The following ERG variants were observed in gnomAD, a reference collection of about 807,000 sequenced individuals.
The protein encoded by ERG is transcriptional regulator ERG.
ERG carries 9 observed loss-of-function variants against 55.3 expected under a neutral mutation model. That is an observed-to-expected ratio of 0.16 (90% confidence interval 0.10 to 0.28). The LOEUF is 0.28. Among genes scored for constraint, ERG ranks in the 10% least tolerant of loss-of-function variants. The pLI is 1.00. For synonymous variants in ERG, 223 were observed against 237.3 expected (o/e 0.94, Z 0.55); for missense variants, 434 against 631.6 (o/e 0.69, Z 3.35).
At chr21:38,574,881 A>T (rs1369818758) in intron 2 of ERG, among the ~76,000 whole-genome samples, 7 of 152,354 alleles carry the variant, frequency 4.6e-5, no homozygotes, top group Admixed American at 4.6e-4. Context: ...ACAGGTGTAG[A>T]CAGCCTGTTT....
chr21:38,630,076 A>G (rs1360733048), intron 1 of ERG, among the ~76,000 whole-genome samples: 1 of 152,172 alleles, frequency 6.6e-6, no homozygotes, highest in Non-Finnish European at 1.5e-5. Flanking sequence ...GACAGAAAGG[A>G]GAATCCAGGT....
At chr21:38,574,031 T>C (rs1300355164) in intron 2 of ERG, among the ~76,000 whole-genome samples, 1 of 152,258 alleles carries the variant, frequency 6.6e-6, no homozygotes, top group Non-Finnish European at 1.5e-5. Flanking sequence ...AAACCTGTAA[T>C]ACTTTCTTGC....
chr21:38,407,818 A>G (rs1160744460), intron 3 of ERG, among the ~76,000 whole-genome samples: 1 of 147,452 alleles, frequency 6.8e-6, no homozygotes, highest in African/African-American at 2.5e-5. Flanking sequence ...CATTTTATAA[A>G]AAGTATAAAA....
chr21:38,398,187 A>G (rs766308162), intron 6 of ERG, among the ~76,000 whole-genome samples: 2 of 152,050 alleles, frequency 1.3e-5, no homozygotes, highest in Non-Finnish European at 2.9e-5. Context: ...AGTGATGCAA[A>G]AGCTCTTCCC....
rs564311018 is a variant in ERG, at chr21:38,567,187, T to C, written c.-41+8475A>G. Among the ~76,000 whole-genome samples, 42 of 152,226 alleles carry C rather than the reference T, an allele frequency of 2.8e-4. No homozygotes were observed. In the South Asian group the frequency reaches 8.5e-3, roughly 31 times the overall value. On this transcript the variant is annotated intron_variant, in intron 2 of 8. Coordinates refer to the ERG transcript ENST00000398897. ...ACAGGAACTGAGCACCGCATTGGAA[T>C]CTGGCCCTGGAGGGTGCCCAGCATG...
chr21:38,534,484 G>A (rs1395728248), intron 2 of ERG, among the ~76,000 whole-genome samples: 2 of 152,036 alleles, frequency 1.3e-5, no homozygotes, highest in Non-Finnish European at 2.9e-5. Flanking sequence ...ACACTCAATA[G>A]CTTCATTCTT....
At chr21:38,468,844 G>A (rs1412239698) in intron 1 of ERG, among the ~76,000 whole-genome samples, 1 of 151,834 alleles carries the variant, frequency 6.6e-6, no homozygotes, top group Non-Finnish European at 1.5e-5. Context: ...AATTAGCCGG[G>A]CGTGGTGGTG....
rs71184626 is a variant in ERG, at chr21:38,446,226, CAAAAAAAAAAAAA to C, written c.19-618_19-606del. On this transcript the variant is annotated intron_variant, in intron 1 of 9. Transcript: ENST00000288319. The stretch of plus-strand genomic sequence containing the variant: ...GTGAGCATCTGGATGATAAATGAAC[CAAAAAAAAAAAAA>C]AAAAAAAAAAAAAAGCTGTGAAGTA... Among the ~76,000 whole-genome samples, 4 of 63,596 alleles carry C rather than the reference CAAAAAAAAAAAAA, an allele frequency of 6.3e-5. No homozygotes were observed. In the Admixed American group the frequency reaches 8.0e-4, roughly 13 times the overall value. The allele number at this position is 63,596 out of a possible 152,430, so 41.7% of individuals were successfully genotyped here.
chr21:38,522,345 C>A (rs2059601102), intron 2 of ERG, among the ~76,000 whole-genome samples: 1 of 151,892 alleles, frequency 6.6e-6, no homozygotes, highest in Non-Finnish European at 1.5e-5. Context: ...TTTTTCTTAT[C>A]ATATCTATAA....
At chr21:38,500,172 A>G (rs910270891), upstream of ERG, among the ~76,000 whole-genome samples, 3 of 152,232 alleles carry the variant, frequency 2.0e-5, no homozygotes, top group Non-Finnish European at 4.4e-5. Context: ...AGAAGCATCA[A>G]TGTAAAATGT....
chr21:38,653,521 T>A (rs2060500532), intron 1 of ERG, among the ~76,000 whole-genome samples: 2 of 152,170 alleles, frequency 1.3e-5, no homozygotes, highest in African/African-American at 4.8e-5. Flanking sequence ...GCATTTAGAG[T>A]GTCCTTGCAA....
intron 1 of ERG, among the ~76,000 whole-genome samples, chr21:38,622,969 ACG>A (rs1568956426): frequency 7.9e-6 from 1 of 126,402 alleles, no homozygotes; most frequent in African/African-American, 3.0e-5. Flanking sequence ...GCACACACAC[ACG>A]TCACACACAT....
At chr21:38,593,771 C>T (rs560968672) in intron 1 of ERG, among the ~76,000 whole-genome samples, 1 of 152,056 alleles carries the variant, frequency 6.6e-6, no homozygotes, top group Admixed American at 6.6e-5. Context: ...TATAATAGAA[C>T]AAAAATGGCA....
chr21:38,401,418 G>A (rs1017609929), intron 5 of ERG, among the ~76,000 whole-genome samples: 4 of 152,182 alleles, frequency 2.6e-5, no homozygotes, highest in Admixed American at 2.0e-4. Flanking sequence ...GCTGATGTGT[G>A]CAACCAAAAT....
chr21:38,654,123 A>G (rs2060504379), intron 1 of ERG, among the ~76,000 whole-genome samples: 2 of 152,252 alleles, frequency 1.3e-5, no homozygotes, highest in Admixed American at 1.3e-4. Flanking sequence ...AAACTGTAAA[A>G]ATATATTCAG....
At chr21:38,413,446 T>C (rs1407609593) in intron 3 of ERG, among the ~76,000 whole-genome samples, 1 of 152,162 alleles carries the variant, frequency 6.6e-6, no homozygotes, top group Non-Finnish European at 1.5e-5. Flanking sequence ...CTTTACTTCA[T>C]TCATTTATTA....
chr21:38,381,260 T>C lies in ERG; in HGVS notation c.*2143A>G, dbSNP rs115263398. The C allele has an allele frequency of 2.4e-3, 2,560 of 1,065,350 alleles. 52 individuals are homozygous for C. In the African/African-American group the frequency reaches 0.035, roughly 15 times the overall value. The allele number at this position is 1,065,350 out of a possible 1,614,324, so 66.0% of individuals were successfully genotyped here. A position where few individuals can be genotyped will look rare whatever the true frequency, so the allele number is the denominator to read the frequency against. Reference sequence around the variant, plus strand: ...TATGAAAAGGGCCAGTTCAGAAACCTATTCAGCTAAGATGTTTCGGCTAGC... The same window carrying C: ...TATGAAAAGGGCCAGTTCAGAAACCCATTCAGCTAAGATGTTTCGGCTAGC... On this transcript the variant is annotated 3_prime_UTR_variant, in exon 10 of 10. Transcript: ENST00000288319.
intron 1 of ERG, among the ~76,000 whole-genome samples, chr21:38,473,440 T>C (rs75034238): frequency 1.0e-4 from 15 of 150,588 alleles, no homozygotes; most frequent in South Asian, 6.3e-4. Flanking sequence ...TATATATATA[T>C]ACAAAGCTGT....
chr21:38,437,003 T>C (rs2058797297), intron 2 of ERG, among the ~76,000 whole-genome samples: 1 of 151,886 alleles, frequency 6.6e-6, no homozygotes, highest in African/African-American at 2.4e-5. Flanking sequence ...TTCTCCTGTC[T>C]CAGCCTCCTG....
Sources: allele counts gnomAD v4.1 joint callset (sites outside exome capture counted in the v4.1 genomes callset), GRCh38; gene constraint gnomAD v4.1.1; transcripts MANE v1.5; gene names NCBI Gene and HGNC (gene_info 2026-07-23, HGNC 2026-07-21).